TAF5L: variants seen among roughly 807,000 people sequenced by gnomAD.
The protein encoded by TAF5L is TAF5-like RNA polymerase II p300/CBP-associated factor-associated factor 65 kDa subunit 5L.
A neutral mutation model predicts 51.3 loss-of-function variants in TAF5L; 7 were observed. The observed-to-expected ratio is 0.14, with a 90% CI of 0.08 to 0.26. TAF5L has a LOEUF of 0.26. Among genes scored for constraint, TAF5L ranks in the 10% least tolerant of loss-of-function variants. The probability of loss-of-function intolerance (pLI) is 1.00; values close to 1 mark genes in which losing one functional copy is unlikely to be tolerated. For missense variants in TAF5L, 575 were observed against 758.9 expected (o/e 0.76, Z 2.85); for synonymous variants, 291 against 308.1 (o/e 0.94, Z 0.58).
intron 1 of TAF5L, among the ~76,000 whole-genome samples, chr1:229,615,850 A>G (rs770454804): frequency 8.5e-5 from 13 of 152,202 alleles, no homozygotes; most frequent in African/African-American, 1.2e-4. Flanking sequence ...TCATGTACGC[A>G]TACACACACA....
chr1:229,599,945 T>G (rs948569392), intron 4 of TAF5L: 9 of 985,382 alleles, frequency 9.1e-6, no homozygotes, highest in African/African-American at 1.7e-5. Flanking sequence ...ATTTTGTACT[T>G]TCTATCATCT....
chr1:229,607,385 C>T, intron 3 of TAF5L: 3 of 985,456 alleles, frequency 3.0e-6, no homozygotes, highest in Non-Finnish European at 3.6e-6. Flanking sequence ...TGCTTTCAGA[C>T]TAATATTCAT....
rs1441996752 is a variant in TAF5L at position 229,625,302 on chromosome 1, T to C, written c.-4+583A>G. Among the ~76,000 whole-genome samples, 1 of 152,114 alleles carries C rather than the reference T, an allele frequency of 6.6e-6. No individual in the cohort carries two copies. The highest frequency in any genetic ancestry group is 2.1e-4 in the South Asian group (1 of 4,822). On this transcript the variant is annotated intron_variant, in intron 1 of 4. Transcript: ENST00000258281. This position sits in a 1 kb window ranked among gnomAD's most constrained non-coding sequence, Gnocchi z 4.0. ...CATGGGCGCACCAACCTTACCTTGCTGTCATGAGGCAACGAGCCCCGAGAG... is the reference window on the plus strand; with the variant it reads ...CATGGGCGCACCAACCTTACCTTGCCGTCATGAGGCAACGAGCCCCGAGAG...
At chr1:229,615,632 G>A (rs1664952131) in intron 1 of TAF5L, among the ~76,000 whole-genome samples, 1 of 151,686 alleles carries the variant, frequency 6.6e-6, no homozygotes, top group African/African-American at 2.4e-5. Flanking sequence ...AAAAAAAAGA[G>A]GCACTGTTTC....
At chr1:229,614,440 A>G in exon 2 of TAF5L, 1 of 1,614,228 alleles carries the variant, frequency 6.2e-7, no homozygotes, top group Non-Finnish European at 8.5e-7. Context: ...TTGAGGTAGC[A>G]GGACACTGCC....
At chr1:229,606,876 C>T in intron 3 of TAF5L, 1 of 985,378 alleles carries the variant, frequency 1.0e-6, no homozygotes, top group Non-Finnish European at 1.2e-6. Context: ...CTACAGACAA[C>T]CTGTGGAGGA....
intron 2 of TAF5L, among the ~76,000 whole-genome samples, chr1:229,612,036 T>C (rs1664810010): frequency 6.6e-6 from 1 of 152,232 alleles, no homozygotes; most frequent in African/African-American, 2.4e-5. Flanking sequence ...CTGACTTACC[T>C]GCCTCACTTC....
rs1464324445 is a variant in TAF5L at position 229,624,606 on chromosome 1, T to C, written c.-4+1279A>G. 2.0e-5 allele frequency among the ~76,000 whole-genome samples: 3 copies of C among 151,368 alleles called. No individual in the cohort carries two copies. In the East Asian group the frequency reaches 5.8e-4, roughly 29 times the overall value. On this transcript the variant is annotated intron_variant, in intron 1 of 4. Coordinates refer to ENST00000258281, the Ensembl canonical transcript of TAF5L. Reference sequence around the variant, plus strand: ...ATAGAGGCACCCTGTCTCTTAAAGATAAAAAAAAATCCACGTTTAAGTTAT... The same window carrying C: ...ATAGAGGCACCCTGTCTCTTAAAGACAAAAAAAAATCCACGTTTAAGTTAT...
At chr1:229,597,318 T>C (rs953053962) in intron 4 of TAF5L, among the ~76,000 whole-genome samples, 1 of 152,222 alleles carries the variant, frequency 6.6e-6, no homozygotes, top group Non-Finnish European at 1.5e-5. Flanking sequence ...GGCATCACAA[T>C]TGGAGATGAA....
chr1:229,604,128 A>C (rs2102747982), intron 3 of TAF5L, among the ~76,000 whole-genome samples: 1 of 152,010 alleles, frequency 6.6e-6, no homozygotes, highest in African/African-American at 2.4e-5. Context: ...TATTTAAATA[A>C]ATTAAAATAA....
In TAF5L at chr1:229,602,325, T is replaced by C. The variant is rs962146814; in HGVS notation, c.842A>G (p.Lys281Arg). ...GTTGTCAAACCCAGCAGCAAGCAGC[T>C]TGCTATCGGGGGAGATTTCTGCAGT... Residue 281 changes from lysine (K) to arginine (R), a missense_variant, in exon 4 of 5, where the codon AAG (lysine) becomes AGG (arginine). Physicochemically the swap from Lys to Arg is conservative, Grantham distance 26. This residue lies in a region of TAF5L where 380 missense variants were observed against 443.7 expected (regional missense o/e 0.86). Coordinates refer to ENST00000258281, the Ensembl canonical transcript of TAF5L. The surrounding 1 kb of genome is among the most constrained non-coding windows in gnomAD (Gnocchi z 4.6). The C allele has an allele frequency of 1.9e-6, 3 of 1,614,074 alleles. No homozygotes were observed. The highest frequency in any genetic ancestry group is 3.3e-5 in the Admixed American group (2 of 60,002).
chr1:229,606,609 A>G (rs1322073573), intron 3 of TAF5L: 1 of 985,252 alleles, frequency 1.0e-6, no homozygotes, highest in Admixed American at 6.1e-5. Context: ...AGCCCACACT[A>G]CTTGGTCCTG....
chr1:229,596,256 A>G (rs528074074), intron 4 of TAF5L, among the ~76,000 whole-genome samples: 12 of 152,320 alleles, frequency 7.9e-5, no homozygotes, highest in African/African-American at 2.6e-4. Flanking sequence ...CCTGGGGGAC[A>G]GAGCAAGACC....
rs1188495874 is a variant in TAF5L, at chr1:229,602,250, G to A, written c.917C>T (p.Pro306Leu). 1.2e-6 allele frequency: 2 copies of A among 1,614,148 alleles called. No individual in the cohort carries two copies. Among genetic ancestry groups the A allele is most frequent in the South Asian group, 2.2e-5 (2 of 91,072 alleles). Residue 306 changes from proline to leucine, a missense_variant, in exon 4 of 5, where the codon CCC becomes CTC. By Grantham distance (98) the Pro-to-Leu change is moderately conservative. This residue lies in a region of TAF5L where 380 missense variants were observed against 443.7 expected (regional missense o/e 0.86). Coordinates refer to ENST00000258281, the Ensembl canonical transcript of TAF5L. This position sits in a 1 kb window ranked among gnomAD's most constrained non-coding sequence, Gnocchi z 4.6. ...GATGCGGGACACGTCTACTTGGTGG[G>A]GCTCTGATTTTAACTTCTTGGATCG...
At chr1:229,598,947 T>G (rs752042875) in intron 4 of TAF5L, among the ~76,000 whole-genome samples, 3 of 152,162 alleles carry the variant, frequency 2.0e-5, no homozygotes, top group Non-Finnish European at 2.9e-5. Context: ...TCCACCTGCC[T>G]CGGCCTCCCA....
In TAF5L at chr1:229,602,967, A is replaced by G; in HGVS notation, c.248-48T>C. The G allele has an allele frequency of 6.6e-7, 1 of 1,524,578 alleles. No homozygotes were observed. Among genetic ancestry groups the G allele is most frequent in the Non-Finnish European group, 8.7e-7 (1 of 1,147,630 alleles). The allele number at this position is 1,524,578 out of a possible 1,614,324, so 94.4% of individuals were successfully genotyped here. A position where few individuals can be genotyped will look rare whatever the true frequency, so the allele number is the denominator to read the frequency against. On this transcript the variant is annotated intron_variant, in intron 3 of 4. Coordinates refer to ENST00000258281, the Ensembl canonical transcript of TAF5L. The surrounding 1 kb of genome is among the most constrained non-coding windows in gnomAD (Gnocchi z 4.6). ...CTTTATAATCAGCATAATCTTACAG[A>G]ATAACGTGATCCCTCCTGGGGATCA...
Position 229,594,831 on chromosome 1 carries a change from T to C in TAF5L, c.1236A>G (p.Ser412=), listed in dbSNP as rs1664057441. The change falls in exon 5 of 5, where the codon TCA becomes TCG. Residue 412 remains serine, a synonymous_variant. Coordinates refer to ENST00000258281, the Ensembl canonical transcript of TAF5L. The surrounding 1 kb of genome is among the most constrained non-coding windows in gnomAD (Gnocchi z 7.9). ...TCCTCAGCGGGTACGTCCGATCAAA[T>C]GACCACAGCCTGGCGGTGCGGTCGT... 5.0e-6 allele frequency: 8 copies of C among 1,614,238 alleles called. No homozygotes were observed. Among genetic ancestry groups the C allele is most frequent in the Non-Finnish European group, 6.8e-6 (8 of 1,180,040 alleles).
At chr1:229,604,111 T>C (rs1664492673) in intron 3 of TAF5L, among the ~76,000 whole-genome samples, 1 of 152,110 alleles carries the variant, frequency 6.6e-6, no homozygotes, top group East Asian at 1.9e-4. Flanking sequence ...AGTGTAATGT[T>C]TGTACATATT....
intron 4 of TAF5L, among the ~76,000 whole-genome samples, chr1:229,598,951 C>A (rs991014257): frequency 6.6e-6 from 1 of 152,102 alleles, no homozygotes; most frequent in Non-Finnish European, 1.5e-5. Context: ...CCTGCCTCGG[C>A]CTCCCAAAGT....
Sources: allele counts gnomAD v4.1 joint callset (sites outside exome capture counted in the v4.1 genomes callset), GRCh38; gene constraint gnomAD v4.1.1; regional missense constraint gnomAD v4.1.1; non-coding constraint Gnocchi (gnomAD v3.1); transcripts MANE v1.5; gene names NCBI Gene and HGNC (gene_info 2026-07-23, HGNC 2026-07-21).